The following MR1 variants were observed in gnomAD, a reference collection of about 807,000 sequenced individuals.
The protein encoded by MR1 is major histocompatibility complex, class I-related, also known as major histocompatibility complex class I-related protein 1.
A neutral mutation model predicts 37.8 loss-of-function variants in MR1; 44 were observed. That is an observed-to-expected ratio of 1.16 (90% CI 0.91 to 1.50). MR1 has a LOEUF of 1.50. Ranked by LOEUF, MR1 falls within the 40% of genes most tolerant of loss-of-function variation. MR1 has a pLI of 0.00. For missense variants in MR1, 386 were observed against 419.1 expected, an observed-to-expected ratio of 0.92 and a Z score of 0.69; for synonymous variants, 153 against 155.8, an observed-to-expected ratio of 0.98 and a Z score of 0.13.
At chr1:181,049,594 CT>C in intron 2 of MR1, 1 of 526,976 alleles carries the variant, frequency 1.9e-6, no homozygotes, top group Non-Finnish European at 3.4e-6. Context: ...TATGCATCTC[CT>C]TTTCCATTCT....
Position 181,055,392 on chromosome 1 carries a change from G to C in MR1, c.*127G>C. The C allele has an allele frequency of 2.5e-6, 2 of 809,340 alleles. No individual in the cohort carries two copies. Among genetic ancestry groups the C allele is most frequent in the Non-Finnish European group, 2.0e-6 (1 of 490,596 alleles). The allele number at this position is 809,340 out of a possible 1,614,324, so 50.1% of individuals were successfully genotyped here. A position where few individuals can be genotyped will look rare whatever the true frequency, so the allele number is the denominator to read the frequency against. ...CAACATACATGAGAGTAATGGGATT[G>C]AGCATTTATGGCAGCAACAGAGGAG... On this transcript the variant is annotated 3_prime_UTR_variant, in exon 6 of 6. Coordinates refer to ENST00000367580, the MANE Select transcript of MR1 (RefSeq NM_001385161.1).
At chr1:181,050,329 A>C in intron 3 of MR1, 43 bp downstream of exon 3, 2 of 1,611,160 alleles carry the variant, frequency 1.2e-6, no homozygotes, top group Non-Finnish European at 1.7e-6. Context: ...TGCCTGAACA[A>C]CTGTTTTTAT....
At chr1:181,049,390 C>T (rs1438253766) in intron 2 of MR1, 78 bp downstream of exon 2, 12 of 1,492,984 alleles carry the variant, frequency 8.0e-6, no homozygotes, top group Middle Eastern at 3.6e-4. Flanking sequence ...CTCCAATAAG[C>T]GGATGCTGAA....
At chr1:181,038,229 C>T (rs1657372811) in intron 1 of MR1, among the ~76,000 whole-genome samples, 1 of 152,200 alleles carries the variant, frequency 6.6e-6, no homozygotes, top group South Asian at 2.1e-4. Flanking sequence ...ACAAGCCAAA[C>T]TTGTCACAGT....
chr1:181,041,445 A>C (rs1657548978), intron 1 of MR1, among the ~76,000 whole-genome samples: 1 of 152,242 alleles, frequency 6.6e-6, no homozygotes, highest in Admixed American at 6.5e-5. Context: ...AGCTTAGCTC[A>C]GCAACACAGC....
At chr1:181,045,971 G>A (rs932289549) in intron 1 of MR1, among the ~76,000 whole-genome samples, 11 of 152,244 alleles carry the variant, frequency 7.2e-5, no homozygotes, top group African/African-American at 9.6e-5. Context: ...CTTAGCACCC[G>A]GGCCAGCGGC....
rs372800943 is a variant in MR1 at position 181,036,053 on chromosome 1, GGA to G, written c.67+1984_67+1985del. Among the ~76,000 whole-genome samples the G allele has an allele frequency of 2.3e-3, 352 of 152,156 alleles. 3 individuals are homozygous for G. Among genetic ancestry groups the G allele is most frequent in the African/African-American group, 8.1e-3 (336 of 41,496 alleles). ...GTTCATACAATGGGAGACACTGAAA[GGA>G]GAGATGTCAGAGAGCAGGGAGGAAA... On this transcript the variant is annotated intron_variant, in intron 1 of 5. Transcript: ENST00000367580.
chr1:181,044,958 C>T (rs953874599), intron 1 of MR1, among the ~76,000 whole-genome samples: 1 of 152,176 alleles, frequency 6.6e-6, no homozygotes, highest in Non-Finnish European at 1.5e-5. Context: ...TTCTCTGTGC[C>T]GCCCCATTCA....
At chr1:181,036,470 A>C (rs1571375453) in intron 1 of MR1, among the ~76,000 whole-genome samples, 1 of 152,218 alleles carries the variant, frequency 6.6e-6, no homozygotes, top group Non-Finnish European at 1.5e-5. Flanking sequence ...AAGAAGACTC[A>C]GTCTACTTGA....
intron 4 of MR1, 80 bp downstream of exon 4, chr1:181,052,590 G>T: frequency 1.4e-6 from 2 of 1,463,906 alleles, no homozygotes; most frequent in Non-Finnish European, 1.9e-6. Flanking sequence ...CTGCCAGGGA[G>T]GGGAGGATAG....
chr1:181,035,852 AT>A (rs1657241678), intron 1 of MR1, among the ~76,000 whole-genome samples: 1 of 152,098 alleles, frequency 6.6e-6, no homozygotes, highest in Non-Finnish European at 1.5e-5. Flanking sequence ...CACTTTGATA[AT>A]TGGGGGGACA....
rs1658583188 is a variant in MR1, at chr1:181,055,811, C to A, written c.*546C>A. On this transcript the variant is annotated 3_prime_UTR_variant, in exon 6 of 6. Transcript: ENST00000367580. ...GGATTGGATCACTCCATGAGAGTAGCCGGCAGGTTTCTACAATGGCCTGGG... is the reference window on the plus strand; with the variant it reads ...GGATTGGATCACTCCATGAGAGTAGACGGCAGGTTTCTACAATGGCCTGGG... The A allele has an allele frequency of 6.5e-6, 1 of 153,312 alleles. No homozygotes were observed. The highest frequency in any genetic ancestry group is 1.5e-5 in the Non-Finnish European group (1 of 68,848). 9.5% of individuals were successfully genotyped at this position (153,312 alleles called of 1,614,324 possible).
intron 1 of MR1, among the ~76,000 whole-genome samples, chr1:181,038,566 T>G (rs1657390426): frequency 6.6e-6 from 1 of 152,230 alleles, no homozygotes; most frequent in Non-Finnish European, 1.5e-5. Flanking sequence ...CTGGAGCCTG[T>G]GGCCCCAGGG....
intron 5 of MR1, 133 bp downstream of exon 5, chr1:181,053,810 TG>T: frequency 1.5e-6 from 1 of 654,908 alleles, no homozygotes. Context: ...CAGAAGGACC[TG>T]GGACAACCCT....
In MR1 at chr1:181,060,968, G is replaced by A. The variant is rs866418303; in HGVS notation, c.*5703G>A. On this transcript the variant is annotated 3_prime_UTR_variant, in exon 6 of 6. Coordinates refer to ENST00000367580, the MANE Select transcript of MR1 (RefSeq NM_001385161.1). The stretch of plus-strand genomic sequence containing the variant: ...CACTCAGACTGTGGAGACCCCTGCT[G>A]AGGGAGAAGCCCCAAACTGTGGCTT... 3.3e-5 allele frequency: 5 copies of A among 152,250 alleles called. No homozygotes were observed. Among genetic ancestry groups the A allele is most frequent in the Middle Eastern group, 3.1e-3 (1 of 318 alleles). 9.4% of individuals were successfully genotyped at this position (152,250 alleles called of 1,614,324 possible).
chr1:181,050,258 G>A lies in MR1; in HGVS notation c.576G>A (p.Glu192=), dbSNP rs1658231062. The change falls in exon 3 of 6, where the codon GAG becomes GAA. Residue 192 remains glutamate (E), a synonymous_variant. Coordinates refer to ENST00000367580, the MANE Select transcript of MR1 (RefSeq NM_001385161.1). ...ECIAWLKRFL[E]YGKDTLQRTE... is the part of the protein sequence containing the mutation. ...TTGCCTGGCTAAAGAGATTCCTGGA[G>A]TATGGGAAAGACACCCTACAAAGAA... The A allele has an allele frequency of 1.9e-6, 3 of 1,614,128 alleles. No individual in the cohort carries two copies. Among genetic ancestry groups the A allele is most frequent in the Admixed American group, 3.3e-5 (2 of 60,012 alleles).
At position 181,056,803 on chromosome 1, in the gene MR1, T is replaced by G. The variant is rs1658641068; in HGVS notation, c.*1538T>G. 1 of 152,366 alleles carries G rather than the reference T, an allele frequency of 6.6e-6. No homozygotes were observed. The highest frequency in any genetic ancestry group is 1.5e-5 in the Non-Finnish European group (1 of 68,172). 9.4% of individuals were successfully genotyped at this position (152,366 alleles called of 1,614,324 possible). A position where few individuals can be genotyped will look rare whatever the true frequency, so the allele number is the denominator to read the frequency against. ...TTGACTGTGACATTTGACCTTTGGC[T>G]TTAATCATTACAGCCTCAGATAAAG... On this transcript the variant is annotated 3_prime_UTR_variant, in exon 6 of 6. Transcript: ENST00000367580.
At chr1:181,041,398 G>A (rs1657546759) in intron 1 of MR1, among the ~76,000 whole-genome samples, 1 of 152,130 alleles carries the variant, frequency 6.6e-6, no homozygotes, top group African/African-American at 2.4e-5. Context: ...CATAAAAATA[G>A]AAAACCCAGA....
chr1:181,044,726 C>T (rs889793790), intron 1 of MR1, among the ~76,000 whole-genome samples: 2 of 152,222 alleles, frequency 1.3e-5, no homozygotes, highest in Non-Finnish European at 2.9e-5. Flanking sequence ...GGACTGGCTG[C>T]CCTTGAGGGC....
Sources: gnomAD v4.1 joint callset for allele counts (sites outside exome capture counted in the v4.1 genomes callset) on GRCh38, gnomAD v4.1.1 for gene constraint, MANE v1.5 for transcripts, NCBI Gene and HGNC (gene_info 2026-07-23, HGNC 2026-07-21) for gene names.